The following ALK variants were observed in gnomAD, a reference collection of about 807,000 sequenced individuals.
The protein encoded by ALK is ALK tyrosine kinase receptor.
Under a neutral mutation model 163.1 loss-of-function variants are expected in ALK, and 74 were observed. The observed-to-expected ratio is 0.45, with a 90% CI of 0.38 to 0.55. The LOEUF (loss-of-function observed/expected upper bound fraction) is 0.55. ALK is among the 20% of genes least tolerant of loss of function. ALK has a pLI of 0.00. For missense variants in ALK, 2,063 were observed against 2,105.3 expected (o/e 0.98, Z 0.39); for synonymous variants, 960 against 843.2 (o/e 1.14, Z -2.40).
intron 3 of ALK, among the ~76,000 whole-genome samples, chr2:29,658,909 T>A (rs1677268572): frequency 6.6e-6 from 1 of 152,202 alleles, no homozygotes; most frequent in South Asian, 2.1e-4. Flanking sequence ...GTTTGGGTGC[T>A]GTGATTTTTA....
At chr2:29,623,280 A>C (rs1676088183) in intron 3 of ALK, among the ~76,000 whole-genome samples, 1 of 152,238 alleles carries the variant, frequency 6.6e-6, no homozygotes, top group African/African-American at 2.4e-5. Flanking sequence ...GTGTTACTTA[A>C]AATAGAAATG....
At chr2:29,399,666 C>T (rs1156843362) in intron 4 of ALK, among the ~76,000 whole-genome samples, 1 of 152,156 alleles carries the variant, frequency 6.6e-6, no homozygotes, top group Non-Finnish European at 1.5e-5. Context: ...ATGGTGTCTG[C>T]CTGCTGTGTG....
At chr2:29,919,853 G>A (rs1667939605) in intron 1 of ALK, 140 bp downstream of exon 1, 2 of 1,058,522 alleles carry the variant, frequency 1.9e-6, no homozygotes, top group South Asian at 1.6e-5. Context: ...ATTCGGGAAG[G>A]AGGTTTGCGG....
At chr2:29,793,946 A>G (rs1417603341) in intron 1 of ALK, among the ~76,000 whole-genome samples, 1 of 152,158 alleles carries the variant, frequency 6.6e-6, no homozygotes, top group African/African-American at 2.4e-5. Flanking sequence ...ACCTGTATTC[A>G]CCCCTAACAA....
rs1016114202 is a variant in ALK, at chr2:29,689,791, C to T, written c.952+5059G>A. On this transcript the variant is annotated intron_variant, in intron 3 of 28. Coordinates refer to ENST00000389048, the MANE Select transcript of ALK (RefSeq NM_004304.5). The stretch of plus-strand genomic sequence containing the variant: ...CTGGACTTAAGGTGGGCCTTCAATC[C>T]GATAACACATGTCCCGTTAAGATAC... 3.3e-5 allele frequency among the ~76,000 whole-genome samples: 5 copies of T among 152,132 alleles called. No homozygotes were observed. The South Asian group carries it at 6.2e-4, about 19-fold the overall frequency.
At chr2:29,498,810 A>G (rs1672096542) in intron 4 of ALK, among the ~76,000 whole-genome samples, 1 of 152,224 alleles carries the variant, frequency 6.6e-6, no homozygotes, top group South Asian at 2.1e-4. Context: ...ATGAGTGTCT[A>G]TTCATCGCAC....
chr2:29,689,516 G>A (rs146138260), intron 3 of ALK, among the ~76,000 whole-genome samples: 2 of 152,264 alleles, frequency 1.3e-5, no homozygotes, highest in African/African-American at 4.8e-5. Flanking sequence ...GAGAAATGCT[G>A]GTATGAATCT....
intron 3 of ALK, among the ~76,000 whole-genome samples, chr2:29,673,680 T>C (rs897869861): frequency 1.3e-5 from 2 of 151,350 alleles, no homozygotes; most frequent in African/African-American, 4.9e-5. Flanking sequence ...TGGTTCCATA[T>C]GAACTTTAAA....
intron 1 of ALK, among the ~76,000 whole-genome samples, chr2:29,737,129 T>C (rs1353914216): frequency 2.0e-5 from 3 of 152,236 alleles, no homozygotes; most frequent in South Asian, 2.1e-4. Context: ...TACAAATATG[T>C]TAATTTTAAA....
chr2:29,261,202 G>A (rs1207973118), intron 11 of ALK, among the ~76,000 whole-genome samples: 1 of 152,160 alleles, frequency 6.6e-6, no homozygotes, highest in Non-Finnish European at 1.5e-5. Context: ...TTTCTTTCCT[G>A]TCTTATATCT....
intron 26 of ALK, among the ~76,000 whole-genome samples, chr2:29,197,931 A>G (rs1669065479): frequency 6.6e-6 from 1 of 152,200 alleles, no homozygotes; most frequent in Non-Finnish European, 1.5e-5. Flanking sequence ...ATTTGCAGTT[A>G]TATTCAATAT....
intron 1 of ALK, among the ~76,000 whole-genome samples, chr2:29,734,663 C>T (rs1477810131): frequency 6.6e-6 from 1 of 152,048 alleles, no homozygotes; most frequent in Non-Finnish European, 1.5e-5. Flanking sequence ...GAAACACACA[C>T]ACACACACAA....
At chr2:29,602,669 C>T (rs1675412163) in intron 3 of ALK, among the ~76,000 whole-genome samples, 1 of 152,068 alleles carries the variant, frequency 6.6e-6, no homozygotes, top group African/African-American at 2.4e-5. Flanking sequence ...GGAGGTACAA[C>T]AATGACAAAG....
chr2:29,213,879 C>T (rs2148158962), intron 24 of ALK, 105 bp downstream of exon 24: 1 of 954,358 alleles, frequency 1.0e-6, no homozygotes, highest in Non-Finnish European at 1.7e-6. Context: ...TGGAGGGAGA[C>T]CTAGTATTCT....
chr2:29,833,631 T>A (rs917956121), intron 1 of ALK, among the ~76,000 whole-genome samples: 7 of 152,210 alleles, frequency 4.6e-5, no homozygotes, highest in Non-Finnish European at 8.8e-5. Flanking sequence ...ATTGTTTCAT[T>A]TCATCTTGAC....
chr2:29,616,403 T>C (rs1315904954), intron 3 of ALK, among the ~76,000 whole-genome samples: 1 of 152,198 alleles, frequency 6.6e-6, no homozygotes, highest in African/African-American at 2.4e-5. Context: ...AGGAATTAAA[T>C]GTAGGCTCAG....
intron 2 of ALK, among the ~76,000 whole-genome samples, chr2:29,708,628 G>T (rs1342721249): frequency 6.6e-6 from 1 of 152,192 alleles, no homozygotes; most frequent in Non-Finnish European, 1.5e-5. Context: ...GTTGTGTAAA[G>T]CAACAGATGG....
chr2:29,626,787 G>A (rs1676206399), intron 3 of ALK, among the ~76,000 whole-genome samples: 2 of 152,168 alleles, frequency 1.3e-5, no homozygotes, highest in African/African-American at 2.4e-5. Flanking sequence ...CTGTTGTTAG[G>A]CTACCAACCT....
At chr2:29,528,063 G>A (rs114510799) in intron 4 of ALK, among the ~76,000 whole-genome samples, 2,050 of 152,318 alleles carry the variant, frequency 0.013, 60 homozygotes, top group African/African-American at 0.047. Context: ...TCAAGCCTGA[G>A]TTTCCTCAAC....
Sources: allele counts gnomAD v4.1 joint callset (sites outside exome capture counted in the v4.1 genomes callset), GRCh38; gene constraint gnomAD v4.1.1; transcripts MANE v1.5; gene names NCBI Gene and HGNC (gene_info 2026-07-23, HGNC 2026-07-21).